Variants in ZNF432 observed in about 807,000 individuals in gnomAD.
ZNF432 encodes the protein zinc finger protein 432.
ZNF432 carries 10 observed loss-of-function variants against 13.9 expected under a neutral mutation model. The observed-to-expected ratio is 0.72, with a 90% CI of 0.44 to 1.22. The LOEUF (loss-of-function observed/expected upper bound fraction) is 1.22. ZNF432 is among the 50% of genes most tolerant of loss of function. The pLI is 0.00. For missense variants in ZNF432, 793 were observed against 796.2 expected (o/e 1.00, Z 0.05); for synonymous variants, 247 against 256.2 (o/e 0.96, Z 0.34).
At position 52,041,621 on chromosome 19, in the gene ZNF432, A is replaced by C; in HGVS notation, c.16-15T>G. 1 of 1,614,082 alleles carries C rather than the reference A, an allele frequency of 6.2e-7. No homozygotes were observed. The highest frequency in any genetic ancestry group is 1.3e-5 in the African/African-American group (1 of 75,042). On this transcript the variant is annotated splice_polypyrimidine_tract_variant and intron_variant, in intron 2 of 4. Transcript: ENST00000221315. ...GTCAGCAATTCCTGTAAGAAAACAG[A>C]GCCTTGCTTAATAGGAAGTGTTTCT...
In ZNF432 at chr19:52,041,598, C is replaced by T; in HGVS notation, c.24G>A (p.Leu8=). 6.2e-7 allele frequency: 1 copy of T among 1,614,138 alleles called. No homozygotes were observed. The highest frequency in any genetic ancestry group is 8.5e-7 in the Non-Finnish European group (1 of 1,180,010). Residue 8 remains leucine (L), a synonymous_variant, in exon 3 of 5, where the codon CTG becomes CTA. Transcript: ENST00000221315. ...ACTCCACAGTAACATCCTCCAGTGT[C>T]AGCAATTCCTGTAAGAAAACAGAGC... The part of the protein sequence containing the change: MINAQEL[L]TLEDVTVEFT...
rs145778754 is a variant in ZNF432, at chr19:52,037,662, C to T, written c.239-2222G>A. Among the ~76,000 whole-genome samples the T allele has an allele frequency of 6.5e-3, 994 of 151,946 alleles. 4 individuals carry two copies. Among genetic ancestry groups the T allele is most frequent in the Non-Finnish European group, 0.011 (746 of 67,968 alleles). Reference sequence around the variant, plus strand: ...TTAGCCAGGCATGCATGGTGATATGCGCCTGTAGTTTCAGCTACTTGGGAT... The same window carrying T: ...TTAGCCAGGCATGCATGGTGATATGTGCCTGTAGTTTCAGCTACTTGGGAT... On this transcript the variant is annotated intron_variant, in intron 4 of 4. Coordinates refer to ENST00000221315, the MANE Select transcript of ZNF432 (RefSeq NM_014650.4).
In ZNF432 at chr19:52,034,131, A is replaced by G; in HGVS notation, c.1548T>C (p.Asn516=). Residue 516 remains asparagine, a synonymous_variant, in exon 5 of 5, where the codon AAT becomes AAC. Transcript: ENST00000221315. ...THTGEKPYIC[N]ECGKGFAFKS... is the part of the protein sequence containing the mutation. ...TAAAGGCAAAACCTTTTCCACATTCATTGCATATGTACGGTTTCTCTCCAG... is the reference window on the plus strand; with the variant it reads ...TAAAGGCAAAACCTTTTCCACATTCGTTGCATATGTACGGTTTCTCTCCAG... The G allele has an allele frequency of 6.2e-7, 1 of 1,614,082 alleles. No homozygotes were observed. The highest frequency in any genetic ancestry group is 8.5e-7 in the Non-Finnish European group (1 of 1,179,990).
chr19:52,032,050 C>T lies in ZNF432; in HGVS notation c.*1670G>A, dbSNP rs1341334423. 6.6e-6 allele frequency: 1 copy of T among 152,100 alleles called. No homozygotes were observed. The highest frequency in any genetic ancestry group is 6.5e-5 in the Admixed American group (1 of 15,282). The allele number at this position is 152,100 out of a possible 1,614,324, so 9.4% of individuals were successfully genotyped here. ...CATTGATGATGCTAAGCAAAGAATA[C>T]TCAGGAAACTTTTGTATATTTTGTA... On this transcript the variant is annotated 3_prime_UTR_variant, in exon 5 of 5. Coordinates refer to ENST00000221315, the MANE Select transcript of ZNF432 (RefSeq NM_014650.4).
intron 4 of ZNF432, among the ~76,000 whole-genome samples, chr19:52,036,959 A>T (rs1181062239): frequency 1.3e-5 from 2 of 152,178 alleles, no homozygotes; most frequent in African/African-American, 2.4e-5. Flanking sequence ...GTGTGAGCCA[A>T]GGCACTGAGC....
intron 2 of ZNF432, among the ~76,000 whole-genome samples, chr19:52,042,218 A>T (rs944341452): frequency 1.3e-4 from 20 of 152,188 alleles, no homozygotes; most frequent in Admixed American, 2.0e-4. Flanking sequence ...TATTAAATAC[A>T]CTGAAGAGAT....
In ZNF432 at chr19:52,035,024, G is replaced by A. The variant is rs2087063218; in HGVS notation, c.655C>T (p.Gln219Ter). 2 of 1,614,086 alleles carry A rather than the reference G, an allele frequency of 1.2e-6. No homozygotes were observed. The highest frequency in any genetic ancestry group is 1.7e-5 in the Admixed American group (1 of 60,020). Residue 219 changes from glutamine to a stop codon, truncating the protein, a stop_gained, in exon 5 of 5, where the codon CAG (glutamine) becomes TAG (stop). Transcript: ENST00000221315. LOFTEE classifies it low-confidence loss of function (END_TRUNC). ...TGAACTCTCTCATGATCAGTGAGCT[G>A]AGACTTCTTGACAAACGCTTTCCCA... ...ECGKAFVKKS[Q>*]LTDHERVHTG... is the part of the protein sequence containing the mutation.
chr19:52,046,007 C>CAAAAAAAAAAAAAA (rs201110474), intron 2 of ZNF432, among the ~76,000 whole-genome samples: 5 of 87,056 alleles, frequency 5.7e-5, no homozygotes, highest in Non-Finnish European at 9.5e-5. Flanking sequence ...AAACAAAAAC[C>CAAAAAAAAAAAAAA]AAAAAAAAAA....
intron 4 of ZNF432, among the ~76,000 whole-genome samples, chr19:52,037,846 A>G (rs1413447668): frequency 1.3e-5 from 2 of 151,938 alleles, no homozygotes; most frequent in African/African-American, 2.4e-5. Context: ...TGTCCCTGAT[A>G]CACTGTTTCC....
chr19:52,040,715 A>T, intron 3 of ZNF432, 132 bp from the exon 4 acceptor site: 3 of 692,652 alleles, frequency 4.3e-6, no homozygotes, highest in Non-Finnish European at 5.0e-6. Flanking sequence ...AGGAAAGGGC[A>T]GATTACAGTC....
intron 2 of ZNF432, among the ~76,000 whole-genome samples, chr19:52,044,150 A>G (rs954052584): frequency 1.3e-5 from 2 of 152,228 alleles, no homozygotes; most frequent in Non-Finnish European, 2.9e-5. Context: ...ATTAATACAC[A>G]GAGAAAAGAA....
At chr19:52,040,268 T>G in intron 4 of ZNF432, 3 of 567,512 alleles carry the variant, frequency 5.3e-6, no homozygotes, top group South Asian at 4.1e-5. Flanking sequence ...AGAAGAGAAC[T>G]CCATAGGTAG....
In ZNF432 at chr19:52,034,007, CAAT is replaced by C. The variant is rs1414845462; in HGVS notation, c.1669_1671del (p.Ile557del). 2 of 1,614,164 alleles carry C rather than the reference CAAT, an allele frequency of 1.2e-6. No individual in the cohort carries two copies. Among genetic ancestry groups the C allele is most frequent in the South Asian group, 1.1e-5 (1 of 91,080 alleles). On this transcript the variant is annotated inframe_deletion, in exon 5 of 5. Transcript: ENST00000221315. Reference sequence around the variant, plus strand: ...TCTTCTGTATGAATTTGCTGATGTACAATGAGATAGCGTTTCATGGTGAAGCCT... The same window carrying C: ...TCTTCTGTATGAATTTGCTGATGTACGAGATAGCGTTTCATGGTGAAGCCT...
chr19:52,036,211 G>A (rs1285451129), intron 4 of ZNF432, among the ~76,000 whole-genome samples: 2 of 152,158 alleles, frequency 1.3e-5, no homozygotes, highest in Non-Finnish European at 2.9e-5. Context: ...TATGGACAAG[G>A]CACTCTGCTG....
In ZNF432 at chr19:52,035,393, T is replaced by A; in HGVS notation, c.286A>T (p.Arg96Trp). Reference sequence around the variant, plus strand: ...TATTGTTCCACACTCTTCAGCATCCTTTGATTTTCCAAGTGATCCTGCAGA... The same window carrying A: ...TATTGTTCCACACTCTTCAGCATCCATTGATTTTCCAAGTGATCCTGCAGA... The part of the protein sequence containing the change: ...DHLQDHLENQ[R>W]MLKSVEQYHE... Residue 96 changes from arginine (R) to tryptophan (W), a missense_variant, in exon 5 of 5, where the codon AGG (arginine) becomes TGG (tryptophan). Arg to Trp is a moderately radical substitution (Grantham distance 101). Transcript: ENST00000221315. The A allele has an allele frequency of 6.4e-7, 1 of 1,570,720 alleles. No individual in the cohort carries two copies.
intron 2 of ZNF432, among the ~76,000 whole-genome samples, chr19:52,044,890 T>C (rs1239207138): frequency 6.6e-6 from 1 of 152,204 alleles, no homozygotes; most frequent in Non-Finnish European, 1.5e-5. Flanking sequence ...TTCCTTTATA[T>C]TCTAAAACTA....
At chr19:52,035,535 A>G (rs2087073086) in intron 4 of ZNF432, 95 bp from the exon 5 acceptor site, 1 of 1,033,822 alleles carries the variant, frequency 9.7e-7, no homozygotes, top group South Asian at 2.0e-5. Context: ...TATTTTGTTT[A>G]TTATTATTAT....
In ZNF432 at chr19:52,035,488, A is replaced by C. The variant is rs751100365; in HGVS notation, c.239-48T>G. On this transcript the variant is annotated intron_variant, in intron 4 of 4. Coordinates refer to ENST00000221315, the MANE Select transcript of ZNF432 (RefSeq NM_014650.4). The stretch of plus-strand genomic sequence containing the variant: ...ATCCTTTTATAATCTTGTTGGGGAT[A>C]AAACTGTCTTCTTAGAAAAAAAAAT... The C allele has an allele frequency of 1.1e-5, 16 of 1,396,396 alleles. No individual in the cohort carries two copies. The South Asian group carries it at 2.5e-4, about 22-fold the overall frequency. The allele number at this position is 1,396,396 out of a possible 1,614,324, so 86.5% of individuals were successfully genotyped here. A position where few individuals can be genotyped will look rare whatever the true frequency, so the allele number is the denominator to read the frequency against.
intron 4 of ZNF432, 51 bp from the exon 5 acceptor site, chr19:52,035,491 A>T: frequency 7.2e-7 from 1 of 1,386,656 alleles, no homozygotes; most frequent in South Asian, 1.6e-5. Context: ...TGGGGATAAA[A>T]CTGTCTTCTT....
Sources: gnomAD v4.1 joint callset for allele counts (sites outside exome capture counted in the v4.1 genomes callset) on GRCh38, gnomAD v4.1.1 for gene constraint, MANE v1.5 for transcripts, NCBI Gene and HGNC (gene_info 2026-07-23, HGNC 2026-07-21) for gene names.